ADCY8: variants seen among roughly 807,000 people sequenced by gnomAD.
ADCY8 encodes the protein adenylate cyclase 8, also known as adenylate cyclase type 8.
Under a neutral mutation model 119.7 loss-of-function variants are expected in ADCY8, and 51 were observed. That is an observed-to-expected ratio of 0.43 (90% confidence interval 0.34 to 0.54). ADCY8 has a LOEUF of 0.54. ADCY8 is among the 20% of genes least tolerant of loss of function. ADCY8 has a pLI of 0.03. For missense variants in ADCY8, 1,383 were observed against 1,598.8 expected (o/e 0.87, Z 2.30); for synonymous variants, 665 against 651.0 (o/e 1.02, Z -0.33).
chr8:130,801,012 C>T (rs1301319412), intron 14 of ADCY8, among the ~76,000 whole-genome samples: 1 of 152,308 alleles, frequency 6.6e-6, no homozygotes, highest in South Asian at 2.1e-4. Context: ...AAATTTCCCA[C>T]CTCCTAATAC....
At chr8:130,791,034 C>G (rs971002756) in intron 15 of ADCY8, among the ~76,000 whole-genome samples, 1 of 152,190 alleles carries the variant, frequency 6.6e-6, no homozygotes, top group Non-Finnish European at 1.5e-5. Context: ...GAACATGGTT[C>G]TGTGTGGTTC....
At position 131,039,457 on chromosome 8, in the gene ADCY8, T is replaced by C. The variant is rs965094308; in HGVS notation, c.877A>G (p.Ile293Val). The C allele has an allele frequency of 6.2e-7, 1 of 1,614,144 alleles. No individual in the cohort carries two copies. The highest frequency in any genetic ancestry group is 8.5e-7 in the Non-Finnish European group (1 of 1,180,036). Reference sequence around the variant, plus strand: ...AGCGAGGTGCCCAGGCCGGCCAGGATGGCCCAGGTGAGCGGCAGCGGCAGC... The same window carrying C: ...AGCGAGGTGCCCAGGCCGGCCAGGACGGCCCAGGTGAGCGGCAGCGGCAGC... ...SMLPLPLTWA[I>V]LAGLGTSLLQ... is the part of the protein sequence containing the mutation. Residue 293 changes from isoleucine to valine, a missense_variant, in exon 1 of 18, where the codon ATC (isoleucine) becomes GTC (valine). Ile to Val is a conservative substitution (Grantham distance 29). Around this residue, in one of 2 missense-constraint regions of ADCY8, gnomAD observed 455 missense variants for 435.3 expected, o/e 1.05. Coordinates refer to ENST00000286355, the MANE Select transcript of ADCY8 (RefSeq NM_001115.3).
chr8:130,880,932 G>T (rs941648332), intron 8 of ADCY8, among the ~76,000 whole-genome samples: 1 of 152,194 alleles, frequency 6.6e-6, no homozygotes, highest in Admixed American at 6.5e-5. Flanking sequence ...TCATTTCACA[G>T]ATAAAGAATC....
At chr8:130,806,067 C>T (rs1815947077) in intron 14 of ADCY8, among the ~76,000 whole-genome samples, 1 of 152,202 alleles carries the variant, frequency 6.6e-6, no homozygotes, top group African/African-American at 2.4e-5. Flanking sequence ...AGAGGGATTT[C>T]CTCCTCAGCT....
Position 130,780,696 on chromosome 8 carries a change from T to G in ADCY8, c.3450A>C (p.Arg1150=). The G allele has an allele frequency of 6.2e-7, 1 of 1,614,160 alleles. No homozygotes were observed. The highest frequency in any genetic ancestry group is 8.5e-7 in the Non-Finnish European group (1 of 1,180,012). ...LKDQGFAFDY[R]GEIYVKGISE... Reference sequence around the variant, plus strand: ...TGATACCCTTCACATAGATCTCCCCTCGGTAATCAAAGGCAAAGCCCTGGT... The same window carrying G: ...TGATACCCTTCACATAGATCTCCCCGCGGTAATCAAAGGCAAAGCCCTGGT... The change falls in exon 18 of 18, where the codon CGA becomes CGC. Residue 1150 remains arginine, a synonymous_variant. Transcript: ENST00000286355.
At chr8:130,873,567 G>A (rs546700045) in intron 8 of ADCY8, among the ~76,000 whole-genome samples, 21 of 152,212 alleles carry the variant, frequency 1.4e-4, no homozygotes, top group Middle Eastern at 6.8e-3. Flanking sequence ...TGATCTGCTC[G>A]CCTCAGCCTT....
chr8:130,836,519 A>G (rs1031000256), intron 11 of ADCY8, 70 bp from the exon 12 acceptor site: 1 of 1,516,998 alleles, frequency 6.6e-7, no homozygotes, highest in Admixed American at 1.8e-5. Context: ...CATGGATGCT[A>G]GTAGGTCTTA....
In ADCY8 at chr8:130,804,350, G is replaced by T. The variant is rs528485202; in HGVS notation, c.2914-3778C>A. ...TGTGTCTTCACTTGGTCTTCCCTTA[G>T]GTTCTAGTCTCCTCTTTCTATTAGG... is the stretch of plus-strand genomic sequence containing the variant. On this transcript the variant is annotated intron_variant, in intron 14 of 17. Coordinates refer to ENST00000286355, the MANE Select transcript of ADCY8 (RefSeq NM_001115.3). 1.6e-4 allele frequency among the ~76,000 whole-genome samples: 24 copies of T among 152,216 alleles called. 1 individual carries two copies. The East Asian group carries it at 4.3e-3, about 27-fold the overall frequency.
At chr8:130,809,540 CCTGT>C (rs932005470) in intron 14 of ADCY8, among the ~76,000 whole-genome samples, 129 of 152,018 alleles carry the variant, frequency 8.5e-4, no homozygotes, top group African/African-American at 2.8e-3. Context: ...GCCATTTGGG[CCTGT>C]CTGTCTGGAA....
rs149289021 is a variant in ADCY8, at chr8:130,784,238, G to C, written c.3154-433C>G. ...TGGGTATGGGTATGTGTGTGTATAT[G>C]TGCTCTTATGTATGTGTAGTTTTCC... is the stretch of plus-strand genomic sequence containing the variant. On this transcript the variant is annotated intron_variant, in intron 16 of 17. Coordinates refer to ENST00000286355, the MANE Select transcript of ADCY8 (RefSeq NM_001115.3). Among the ~76,000 whole-genome samples, 63 of 81,634 alleles carry C rather than the reference G, an allele frequency of 7.7e-4. 1 individual carries two copies. Among genetic ancestry groups the C allele is most frequent in the African/African-American group, 3.0e-3 (58 of 19,354 alleles). The allele number at this position is 81,634 out of a possible 152,430, so 53.6% of individuals were successfully genotyped here. A position where few individuals can be genotyped will look rare whatever the true frequency, so the allele number is the denominator to read the frequency against.
At chr8:130,874,256 C>T (rs919481531) in intron 8 of ADCY8, among the ~76,000 whole-genome samples, 5 of 151,330 alleles carry the variant, frequency 3.3e-5, no homozygotes, top group East Asian at 3.9e-4. Flanking sequence ...TGCAGTGAGC[C>T]GAGATGGCAC....
At chr8:130,878,850 T>C (rs548382197) in intron 8 of ADCY8, among the ~76,000 whole-genome samples, 1 of 152,310 alleles carries the variant, frequency 6.6e-6, no homozygotes, top group Non-Finnish European at 1.5e-5. Context: ...TCTTCCTTGA[T>C]ATGGCTTGAT....
intron 16 of ADCY8, among the ~76,000 whole-genome samples, chr8:130,784,316 G>A (rs1815183263): frequency 6.6e-6 from 1 of 152,072 alleles, no homozygotes. Flanking sequence ...TGTGTTTAAG[G>A]GATACATTTG....
intron 12 of ADCY8, among the ~76,000 whole-genome samples, chr8:130,825,624 A>G (rs1386522094): frequency 4.6e-5 from 7 of 152,198 alleles, no homozygotes; most frequent in Admixed American, 3.3e-4. Context: ...CCTAGAGAAG[A>G]TCAGTTCTGC....
chr8:130,938,336 T>C (rs1210759185), intron 4 of ADCY8, among the ~76,000 whole-genome samples: 3 of 152,174 alleles, frequency 2.0e-5, no homozygotes, highest in African/African-American at 7.2e-5. Flanking sequence ...ATTGCCTCTT[T>C]CTATGAGGAA....
chr8:130,971,566 G>T (rs1821923707), intron 2 of ADCY8, among the ~76,000 whole-genome samples: 1 of 152,000 alleles, frequency 6.6e-6, no homozygotes, highest in Non-Finnish European at 1.5e-5. Flanking sequence ...CTGAAGAAAA[G>T]GTTACTACTC....
rs145398330 is a variant in ADCY8, at chr8:130,822,535, A to AATCCATCC, written c.2676-1123_2676-1116dup. ...GAATCCATGAATCCATGAATCCATG[A>AATCCATCC]ATCCATCCATCCATCCATCCATCCA... is the stretch of plus-strand genomic sequence containing the variant. On this transcript the variant is annotated intron_variant, in intron 12 of 17. Coordinates refer to ENST00000286355, the MANE Select transcript of ADCY8 (RefSeq NM_001115.3). Among the ~76,000 whole-genome samples, 245 of 139,720 alleles carry AATCCATCC rather than the reference A, an allele frequency of 1.8e-3. 1 individual carries two copies. The highest frequency in any genetic ancestry group is 4.9e-3 in the African/African-American group (182 of 37,278). The allele number at this position is 139,720 out of a possible 152,430, so 91.7% of individuals were successfully genotyped here. A position where few individuals can be genotyped will look rare whatever the true frequency, so the allele number is the denominator to read the frequency against.
chr8:130,998,952 G>T (rs1207506668), intron 1 of ADCY8, among the ~76,000 whole-genome samples: 1 of 152,138 alleles, frequency 6.6e-6, no homozygotes, highest in Non-Finnish European at 1.5e-5. Flanking sequence ...TTTTTAGGAA[G>T]CTCCCAAGTC....
At chr8:130,815,654 C>CT (rs1236565305) in intron 13 of ADCY8, among the ~76,000 whole-genome samples, 4 of 152,154 alleles carry the variant, frequency 2.6e-5, no homozygotes, top group African/African-American at 9.7e-5. Flanking sequence ...TTGTTAACCA[C>CT]TAGGTAATAT....
Sources: allele counts gnomAD v4.1 joint callset (sites outside exome capture counted in the v4.1 genomes callset), GRCh38; gene constraint gnomAD v4.1.1; regional missense constraint gnomAD v4.1.1; transcripts MANE v1.5; gene names NCBI Gene and HGNC (gene_info 2026-07-23, HGNC 2026-07-21).